Variants in ZNF646 observed in about 807,000 individuals in gnomAD.
ZNF646 encodes the protein zinc finger protein 646.
A neutral mutation model predicts 115.4 loss-of-function variants in ZNF646; 49 were observed. That is an observed-to-expected ratio of 0.42 (90% CI 0.34 to 0.54). ZNF646 has a LOEUF of 0.54. ZNF646 is among the 20% of genes least tolerant of loss of function. The probability of loss-of-function intolerance (pLI) is 0.04; values close to 1 mark genes in which losing one functional copy is unlikely to be tolerated. For synonymous variants in ZNF646, 933 were observed against 939.0 expected, an observed-to-expected ratio of 0.99 and a Z score of 0.12; for missense variants, 2,269 against 2,457.9, an observed-to-expected ratio of 0.92 and a Z score of 1.62.
rs369374909 is a variant in ZNF646 at position 31,080,548 on chromosome 16, G to A, written c.4224G>A (p.Ala1408=). The part of the protein sequence containing the change: ...GGLDGTAASE[A]NLTGSQGLET... Reference sequence around the variant, plus strand: ...TGGATGGCACAGCGGCCAGTGAGGCGAACCTGACTGGCAGCCAGGGACTAG... The same window carrying A: ...TGGATGGCACAGCGGCCAGTGAGGCAAACCTGACTGGCAGCCAGGGACTAG... Residue 1408 remains alanine (A), a synonymous_variant, in exon 2 of 3, where the codon GCG becomes GCA. Transcript: ENST00000300850. The A allele has an allele frequency of 6.2e-6, 10 of 1,614,062 alleles. No individual in the cohort carries two copies. The highest frequency in any genetic ancestry group is 2.2e-5 in the East Asian group (1 of 44,874).
upstream of ZNF646, chr16:31,073,401 C>G (rs2143786837): frequency 6.6e-6 from 1 of 152,296 alleles, no homozygotes; most frequent in East Asian, 1.9e-4. Context: ...CCCCCGGGAC[C>G]ACACCGCGCC....
rs755113790 is a variant in ZNF646 at position 31,080,133 on chromosome 16, G to A, written c.3809G>A (p.Arg1270Gln). Residue 1270 changes from arginine (R) to glutamine (Q), a missense_variant, in exon 2 of 3, where the codon CGG (arginine) becomes CAG (glutamine). Transcript: ENST00000300850. Reference sequence around the variant, plus strand: ...GAGTGTGGGAAGGCCTTCCGCCTGCGGAAACAGCTGGCCAGCCACCAGCGG... The same window carrying A: ...GAGTGTGGGAAGGCCTTCCGCCTGCAGAAACAGCTGGCCAGCCACCAGCGG... ...CSECGKAFRL[R>Q]KQLASHQRVH... 1.9e-6 allele frequency: 3 copies of A among 1,612,788 alleles called. No homozygotes were observed. The highest frequency in any genetic ancestry group is 2.5e-6 in the Non-Finnish European group (3 of 1,179,792).
Position 31,077,556 on chromosome 16 carries a change from T to C in ZNF646, c.1232T>C (p.Phe411Ser). Residue 411 changes from phenylalanine (F) to serine (S), a missense_variant, in exon 2 of 3, where the codon TTC (phenylalanine) becomes TCC (serine). By Grantham distance (155) the Phe-to-Ser change is radical. Coordinates refer to ENST00000300850, the MANE Select transcript of ZNF646 (RefSeq NM_014699.4). ...YPCSLCSKQL[F>S]NAAALKNHVR... is the part of the protein sequence containing the mutation. The stretch of plus-strand genomic sequence containing the variant: ...TGCTCACTCTGTTCTAAGCAGCTGT[T>C]CAATGCGGCTGCCCTCAAAAACCAT... The C allele has an allele frequency of 6.2e-7, 1 of 1,613,320 alleles. No individual in the cohort carries two copies.
chr16:31,080,198 G>T lies in ZNF646; in HGVS notation c.3874G>T (p.Ala1292Ser). ...GCGTGGGGGTGGGGGCACCCGAAAG[G>T]CGACTCGGGAAGATCGGCCCTTCCG... ...ERRGGGGTRK[A>S]TREDRPFRCG... is the part of the protein sequence containing the mutation. Residue 1292 changes from alanine to serine, a missense_variant, in exon 2 of 3, where the codon GCG becomes TCG. By Grantham distance (99) the Ala-to-Ser change is moderately conservative. Around this residue, in one of 5 missense-constraint regions of ZNF646, gnomAD observed 1,062 missense variants for 1,172.8 expected, o/e 0.91. Coordinates refer to ENST00000300850, the MANE Select transcript of ZNF646 (RefSeq NM_014699.4). 6.2e-7 allele frequency: 1 copy of T among 1,609,318 alleles called. No individual in the cohort carries two copies. The highest frequency in any genetic ancestry group is 8.5e-7 in the Non-Finnish European group (1 of 1,177,392).
Position 31,076,912 on chromosome 16 carries a change from C to T in ZNF646, c.588C>T (p.Ala196=), listed in dbSNP as rs2057084376. 3 of 1,613,984 alleles carry T rather than the reference C, an allele frequency of 1.9e-6. No individual in the cohort carries two copies. The highest frequency in any genetic ancestry group is 1.3e-5 in the African/African-American group (1 of 74,902). Residue 196 remains alanine (A), a synonymous_variant, in exon 2 of 3, where the codon GCC becomes GCT. Coordinates refer to ENST00000300850, the MANE Select transcript of ZNF646 (RefSeq NM_014699.4). ...GACCCTCCACTAACTCTGCCAGAGC[C>T]CCTCCTCTCCCCATCCCAGCCAGCA... ...GWGPSTNSAR[A]PPLPIPASSL...
intron 2 of ZNF646, chr16:31,082,484 C>G: frequency 5.3e-6 from 1 of 187,206 alleles, no homozygotes; most frequent in Non-Finnish European, 1.2e-5. Context: ...CCAGCTGCAG[C>G]AACAACAGTC....
chr16:31,083,824 G>A lies in ZNF646; in HGVS notation c.*732G>A. The A allele has an allele frequency of 1.2e-6, 2 of 1,614,032 alleles. No homozygotes were observed. The highest frequency in any genetic ancestry group is 1.7e-6 in the Non-Finnish European group (2 of 1,179,886). ...GGTTGGTTGGCCTGTGGGGAAGGAA[G>A]GAGGGTGGAGTTGTCCTCATCCTCA... On this transcript the variant is annotated 3_prime_UTR_variant, in exon 3 of 3. Coordinates refer to ENST00000300850, the MANE Select transcript of ZNF646 (RefSeq NM_014699.4).
At position 31,081,278 on chromosome 16, in the gene ZNF646, C is replaced by G; in HGVS notation, c.4954C>G (p.Pro1652Ala). 1.2e-6 allele frequency: 2 copies of G among 1,612,298 alleles called. No individual in the cohort carries two copies. Among genetic ancestry groups the G allele is most frequent in the Non-Finnish European group, 1.7e-6 (2 of 1,178,850 alleles). Residue 1652 changes from proline (P) to alanine (A), a missense_variant, in exon 2 of 3, where the codon CCA becomes GCA. Physicochemically the swap from Pro to Ala is conservative, Grantham distance 27 (BLOSUM62 -1). Coordinates refer to ENST00000300850, the MANE Select transcript of ZNF646 (RefSeq NM_014699.4). ...GGCCCCATCAGAAACCCCCAGAGGC[C>G]CAGGAGAGAGTGTGGAGAGAGCCAG... ...QEAPSETPRGPGESVERARGG... is the reference protein window; with the variant it reads ...QEAPSETPRGAGESVERARGG...
rs938615154 is a variant in ZNF646 at position 31,074,553 on chromosome 16, A to T, written c.-158A>T. On this transcript the variant is annotated 5_prime_UTR_variant, in exon 1 of 3. Coordinates refer to ENST00000300850, the MANE Select transcript of ZNF646 (RefSeq NM_014699.4). Reference sequence around the variant, plus strand: ...TTTCCCTTCCCTCCCACCTCCCGGGAACCCTGGCTGAGTGTGCGTGTGTGG... The same window carrying T: ...TTTCCCTTCCCTCCCACCTCCCGGGTACCCTGGCTGAGTGTGCGTGTGTGG... 5 of 152,164 alleles carry T rather than the reference A, an allele frequency of 3.3e-5. No individual in the cohort carries two copies. The highest frequency in any genetic ancestry group is 4.8e-5 in the African/African-American group (2 of 41,388). The allele number at this position is 152,164 out of a possible 1,614,324, so 9.4% of individuals were successfully genotyped here. A position where few individuals can be genotyped will look rare whatever the true frequency, so the allele number is the denominator to read the frequency against.
In ZNF646 at chr16:31,083,867, T is replaced by TCCCTCCCC. The variant is rs139279003; in HGVS notation, c.*776_*783dup. The TCCCTCCCC allele has an allele frequency of 9.3e-4, 1,249 of 1,342,938 alleles. 5 individuals carry two copies. In the African/African-American group the frequency reaches 0.014, roughly 15 times the overall value. The allele number at this position is 1,342,938 out of a possible 1,614,324, so 83.2% of individuals were successfully genotyped here. A position where few individuals can be genotyped will look rare whatever the true frequency, so the allele number is the denominator to read the frequency against. ...CATCCTCACGGCTTTGGTCCCTCCC[T>TCCCTCCCC]CCCTCCCCATTCCTCGAAGGAACAG... On this transcript the variant is annotated 3_prime_UTR_variant, in exon 3 of 3. Transcript: ENST00000300850.
In ZNF646 at chr16:31,078,874, C is replaced by T. The variant is rs1453538792; in HGVS notation, c.2550C>T (p.Cys850=). The T allele has an allele frequency of 1.9e-6, 3 of 1,613,936 alleles. No individual in the cohort carries two copies. The African/African-American group carries it at 4.0e-5, about 22-fold the overall frequency. ...RPCHPPGIYQ[C]SLCPKEFDSL... ...GCCACCCACCAGGCATCTATCAGTG[C>T]TCCCTCTGCCCGAAGGAGTTTGACT... The change falls in exon 2 of 3, where the codon TGC becomes TGT. Residue 850 remains cysteine (C), a synonymous_variant. Coordinates refer to ENST00000300850, the MANE Select transcript of ZNF646 (RefSeq NM_014699.4).
Position 31,077,710 on chromosome 16 carries a change from T to C in ZNF646, c.1386T>C (p.His462=), listed in dbSNP as rs2057095866. The C allele has an allele frequency of 1.2e-6, 2 of 1,613,984 alleles. No homozygotes were observed. The highest frequency in any genetic ancestry group is 1.7e-6 in the Non-Finnish European group (2 of 1,179,960). The change falls in exon 2 of 3, where the codon CAT becomes CAC. Residue 462 remains histidine, a synonymous_variant. Transcript: ENST00000300850. The part of the protein sequence containing the change: ...EEEDPTTTLD[H]RPYKCSECGR... Reference sequence around the variant, plus strand: ...AGGACCCCACCACCACCCTGGACCATCGGCCCTATAAGTGCAGTGAGTGTG... The same window carrying C: ...AGGACCCCACCACCACCCTGGACCACCGGCCCTATAAGTGCAGTGAGTGTG...
chr16:31,075,137 A>G (rs2057060467), intron 1 of ZNF646, among the ~76,000 whole-genome samples: 1 of 152,158 alleles, frequency 6.6e-6, no homozygotes, highest in African/African-American at 2.4e-5. Context: ...GAGGCAGAAG[A>G]AAAAAATGAG....
rs2143828250 is a variant in ZNF646, at chr16:31,079,795, A to T, written c.3471A>T (p.Lys1157Asn). The change falls in exon 2 of 3, where the codon AAA becomes AAT. Residue 1157 changes from lysine to asparagine, a missense_variant. By Grantham distance (94) the Lys-to-Asn change is moderately conservative. This residue lies in a region of ZNF646 where 1,062 missense variants were observed against 1,172.8 expected (regional missense o/e 0.91). Coordinates refer to ENST00000300850, the MANE Select transcript of ZNF646 (RefSeq NM_014699.4). The surrounding 1 kb of genome is among the most constrained non-coding windows in gnomAD (Gnocchi z 5.5). ...AEVEKLQEEL[K>N]VEPLEEVARV... ...TCGAGAAGCTCCAGGAAGAACTTAA[A>T]GTGGAGCCCCTGGAGGAAGTGGCCA... is the stretch of plus-strand genomic sequence containing the variant. 6.2e-7 allele frequency: 1 copy of T among 1,613,704 alleles called. No homozygotes were observed. Among genetic ancestry groups the T allele is most frequent in the Non-Finnish European group, 8.5e-7 (1 of 1,179,906 alleles).
At chr16:31,075,991 A>C in intron 1 of ZNF646, 4 of 243,660 alleles carry the variant, frequency 1.6e-5, no homozygotes, top group Non-Finnish European at 7.9e-6. Flanking sequence ...AGTAGGTTGC[A>C]TCTCTCTCAA....
chr16:31,078,934 T>C lies in ZNF646; in HGVS notation c.2610T>C (p.His870=), dbSNP rs565056581. ...CCCTCCGCAGCCACTTCCAGAACCA[T>C]AGGCCTGGGGAGGCGACCTCAGCAC... ...LPALRSHFQN[H]RPGEATSAQP... The change falls in exon 2 of 3, where the codon CAT becomes CAC. Residue 870 remains histidine (H), a synonymous_variant. Transcript: ENST00000300850. 1.9e-6 allele frequency: 3 copies of C among 1,613,298 alleles called. No individual in the cohort carries two copies. The highest frequency in any genetic ancestry group is 1.1e-5 in the South Asian group (1 of 91,084).
In ZNF646 at chr16:31,078,958, A is replaced by G. The variant is rs1185971279; in HGVS notation, c.2634A>G (p.Ala878=). 1 of 1,611,548 alleles carries G rather than the reference A, an allele frequency of 6.2e-7. No homozygotes were observed. The highest frequency in any genetic ancestry group is 1.3e-5 in the African/African-American group (1 of 74,922). The part of the protein sequence containing the change: ...QNHRPGEATS[A]QPFLCCLCGM... Reference sequence around the variant, plus strand: ...ATAGGCCTGGGGAGGCGACCTCAGCACAGCCTTTCCTCTGCTGCCTCTGTG... The same window carrying G: ...ATAGGCCTGGGGAGGCGACCTCAGCGCAGCCTTTCCTCTGCTGCCTCTGTG... Residue 878 remains alanine, a synonymous_variant, in exon 2 of 3, where the codon GCA becomes GCG. Transcript: ENST00000300850.
chr16:31,077,750 C>T lies in ZNF646; in HGVS notation c.1426C>T (p.His476Tyr). 1 of 1,614,052 alleles carries T rather than the reference C, an allele frequency of 6.2e-7. No homozygotes were observed. Among genetic ancestry groups the T allele is most frequent in the Non-Finnish European group, 8.5e-7 (1 of 1,180,026 alleles). ...CAGTGAGTGTGGTCGTGCTTACCGC[C>T]ACCGGGGGAGCCTGGTGAACCATCG... ...KCSECGRAYR[H>Y]RGSLVNHRHS... Residue 476 changes from histidine to tyrosine, a missense_variant, in exon 2 of 3, where the codon CAC (histidine) becomes TAC (tyrosine). Coordinates refer to ENST00000300850, the MANE Select transcript of ZNF646 (RefSeq NM_014699.4).
At position 31,083,163 on chromosome 16, in the gene ZNF646, TC is replaced by T; in HGVS notation, c.*72del. ...AGGGAGGGGCTTGATCTCCACATTT[TC>T]TCAGGAGTAGTTCGGGCATCCCCAT... On this transcript the variant is annotated 3_prime_UTR_variant, in exon 3 of 3. Transcript: ENST00000300850. The T allele has an allele frequency of 6.5e-7, 1 of 1,542,332 alleles. No homozygotes were observed. Among genetic ancestry groups the T allele is most frequent in the Non-Finnish European group, 8.7e-7 (1 of 1,148,938 alleles).
Sources: allele counts gnomAD v4.1 joint callset (sites outside exome capture counted in the v4.1 genomes callset), GRCh38; gene constraint gnomAD v4.1.1; regional missense constraint gnomAD v4.1.1; non-coding constraint Gnocchi (gnomAD v3.1); transcripts MANE v1.5; gene names NCBI Gene and HGNC (gene_info 2026-07-23, HGNC 2026-07-21).